Variants in GABRB1 observed in about 807,000 individuals in gnomAD.
GABRB1 encodes the protein gamma-aminobutyric acid type A receptor subunit beta1, also known as gamma-aminobutyric acid receptor subunit beta-1.
GABRB1 carries 17 observed loss-of-function variants against 51.6 expected under a neutral mutation model. That is an observed-to-expected ratio of 0.33 (90% CI 0.23 to 0.49). The LOEUF is 0.49. GABRB1 is among the 20% of genes least tolerant of loss of function. GABRB1 has a pLI of 0.99. For synonymous variants in GABRB1, 247 were observed against 218.9 expected (o/e 1.13, Z -1.14); for missense variants, 410 against 600.6 (o/e 0.68, Z 3.32).
At chr4:47,368,368 C>T (rs1169949768) in intron 5 of GABRB1, among the ~76,000 whole-genome samples, 1 of 152,092 alleles carries the variant, frequency 6.6e-6, no homozygotes, top group Non-Finnish European at 1.5e-5. Context: ...TGCAGCAATC[C>T]CTCCCCATCA....
At chr4:47,104,101 T>G (rs1714842504) in intron 3 of GABRB1, among the ~76,000 whole-genome samples, 2 of 151,876 alleles carry the variant, frequency 1.3e-5, no homozygotes, top group East Asian at 3.9e-4. Flanking sequence ...ATAAATTCTC[T>G]GCACTTAGGT....
intron 5 of GABRB1, among the ~76,000 whole-genome samples, chr4:47,395,862 A>AT (rs1182429230): frequency 6.6e-6 from 1 of 151,596 alleles, no homozygotes; most frequent in Non-Finnish European, 1.5e-5. Context: ...TTTTTCCCAG[A>AT]TTTTTCCCTC....
chr4:47,377,277 G>A (rs1299887535), intron 5 of GABRB1, among the ~76,000 whole-genome samples: 1 of 152,180 alleles, frequency 6.6e-6, no homozygotes, highest in South Asian at 2.1e-4. Context: ...CTGAGTAGCT[G>A]GGATTGTGTC....
At chr4:47,095,214 C>T (rs1453838440) in intron 3 of GABRB1, among the ~76,000 whole-genome samples, 1 of 151,546 alleles carries the variant, frequency 6.6e-6, no homozygotes, top group Non-Finnish European at 1.5e-5. Flanking sequence ...TACTAGAACC[C>T]CAAGCAACTC....
intron 3 of GABRB1, among the ~76,000 whole-genome samples, chr4:47,080,545 T>G (rs928734883): frequency 2.0e-5 from 3 of 152,184 alleles, no homozygotes; most frequent in African/African-American, 7.2e-5. Flanking sequence ...CTGTCCTAAG[T>G]AACTCAAGTT....
chr4:47,425,512 A>AGATAGATC (rs904385310), intron 8 of GABRB1, among the ~76,000 whole-genome samples, 162 bp from the exon 9 acceptor site: 5 of 147,990 alleles, frequency 3.4e-5, no homozygotes, highest in African/African-American at 5.0e-5. Flanking sequence ...ATAGATAGAT[A>AGATAGATC]GATAGATCGA....
chr4:47,220,020 C>A (rs886522962), intron 4 of GABRB1, among the ~76,000 whole-genome samples: 1 of 152,006 alleles, frequency 6.6e-6, no homozygotes, highest in Non-Finnish European at 1.5e-5. Context: ...TTACACTACC[C>A]AACACTGATT....
At chr4:47,312,789 G>C (rs973083250) in intron 4 of GABRB1, among the ~76,000 whole-genome samples, 1 of 152,122 alleles carries the variant, frequency 6.6e-6, no homozygotes, top group Admixed American at 6.5e-5. Context: ...TACATAATTT[G>C]TTAATTTAAG....
intron 3 of GABRB1, among the ~76,000 whole-genome samples, chr4:47,115,992 C>T (rs1331107444): frequency 6.6e-6 from 1 of 152,110 alleles, no homozygotes; most frequent in Non-Finnish European, 1.5e-5. Context: ...CAAGGACAAC[C>T]TCAGAATATT....
intron 4 of GABRB1, among the ~76,000 whole-genome samples, chr4:47,227,171 T>A (rs1402454064): frequency 2.6e-5 from 4 of 152,166 alleles, no homozygotes; most frequent in African/African-American, 4.8e-5. Flanking sequence ...GCTCTGCAGC[T>A]TCACTCATTA....
At chr4:47,062,972 C>T (rs1708266639) in intron 3 of GABRB1, among the ~76,000 whole-genome samples, 1 of 152,170 alleles carries the variant, frequency 6.6e-6, no homozygotes, top group Admixed American at 6.5e-5. Flanking sequence ...CACTCAAATC[C>T]ATTCTCCATA....
chr4:47,265,731 A>G (rs544187821), intron 4 of GABRB1, among the ~76,000 whole-genome samples: 51 of 152,176 alleles, frequency 3.4e-4, no homozygotes, highest in African/African-American at 1.1e-3. Context: ...TTGGCCATTT[A>G]TATGCCTTCT....
At chr4:47,085,620 A>T (rs565375300) in intron 3 of GABRB1, among the ~76,000 whole-genome samples, 1 of 152,350 alleles carries the variant, frequency 6.6e-6, no homozygotes, top group South Asian at 2.1e-4. Flanking sequence ...TTTCAAGGAA[A>T]GGAAAGAACA....
In GABRB1 at chr4:47,342,972, G is replaced by A. The variant is rs552702362; in HGVS notation, c.544+22763G>A. 3.3e-5 allele frequency among the ~76,000 whole-genome samples: 5 copies of A among 152,162 alleles called. No homozygotes were observed. The South Asian group carries it at 1.0e-3, about 32-fold the overall frequency. ...TGCTGTCATATTTGGCAAGATGTGTGGTGTGAAGATTCCATCACGCTGGCT... is the reference window on the plus strand; with the variant it reads ...TGCTGTCATATTTGGCAAGATGTGTAGTGTGAAGATTCCATCACGCTGGCT... On this transcript the variant is annotated intron_variant, in intron 5 of 8. Coordinates refer to ENST00000295454, the MANE Select transcript of GABRB1 (RefSeq NM_000812.4).
At chr4:47,077,758 G>C (rs948240085) in intron 3 of GABRB1, among the ~76,000 whole-genome samples, 6 of 147,974 alleles carry the variant, frequency 4.1e-5, no homozygotes, top group African/African-American at 1.5e-4. Context: ...GAGACCTGCA[G>C]AGTAGTCTTT....
At chr4:47,273,732 T>C (rs4403026) in intron 4 of GABRB1, among the ~76,000 whole-genome samples, 97,420 of 151,772 alleles carry the variant, frequency 0.64, 31,631 homozygotes, top group South Asian at 0.81. Context: ...TTGAAAAAAT[T>C]ATTACACAGG....
intron 5 of GABRB1, among the ~76,000 whole-genome samples, chr4:47,331,221 AAGAGGGGTGGGTGGAG>A (rs1473032042): frequency 1.3e-5 from 2 of 152,124 alleles, no homozygotes; most frequent in African/African-American, 4.8e-5. Flanking sequence ...TTTTGATGAG[AAGAGGGGTGGGTGGAG>A]AGAGGAAGGG....
At chr4:47,191,692 T>C (rs1719446278) in intron 4 of GABRB1, among the ~76,000 whole-genome samples, 1 of 151,874 alleles carries the variant, frequency 6.6e-6, no homozygotes, top group Admixed American at 6.6e-5. Context: ...AGAATATTCA[T>C]CAGCACAGGA....
chr4:47,157,526 C>A (rs1294699243), intron 3 of GABRB1, among the ~76,000 whole-genome samples: 1 of 151,994 alleles, frequency 6.6e-6, no homozygotes, highest in Non-Finnish European at 1.5e-5. Context: ...TAAGTAGTTT[C>A]TCTGACTTGC....
Sources: allele counts gnomAD v4.1 joint callset (sites outside exome capture counted in the v4.1 genomes callset), GRCh38; gene constraint gnomAD v4.1.1; transcripts MANE v1.5; gene names NCBI Gene and HGNC (gene_info 2026-07-23, HGNC 2026-07-21).